Variants in MPZL1 observed in about 807,000 individuals in gnomAD.
The protein encoded by MPZL1 is myelin protein zero-like protein 1.
A neutral mutation model predicts 29.3 loss-of-function variants in MPZL1; 16 were observed. That is an observed-to-expected ratio of 0.55 (90% CI 0.37 to 0.83). The LOEUF is 0.83. Ranked by LOEUF, MPZL1 falls within the 40% of genes least tolerant of loss-of-function variation. The pLI is 0.00. For missense variants in MPZL1, 279 were observed against 332.9 expected (o/e 0.84, Z 1.26); for synonymous variants, 143 against 132.0 (o/e 1.08, Z -0.57).
At chr1:167,741,169 A>G (rs978010871) in intron 1 of MPZL1, among the ~76,000 whole-genome samples, 1 of 147,480 alleles carries the variant, frequency 6.8e-6, no homozygotes, top group East Asian at 2.0e-4. Flanking sequence ...GGCATGTGCC[A>G]CCACGCCTGG....
At chr1:167,780,444 C>G (rs1661473296) in intron 5 of MPZL1, among the ~76,000 whole-genome samples, 1 of 152,102 alleles carries the variant, frequency 6.6e-6, no homozygotes, top group Admixed American at 6.5e-5. Flanking sequence ...TTTGTACATC[C>G]ATGTTCATAG....
intron 1 of MPZL1, among the ~76,000 whole-genome samples, chr1:167,739,280 TAC>T (rs199945886): frequency 0.067 from 6,132 of 91,660 alleles, 581 homozygotes; most frequent in African/African-American, 0.22. Context: ...TATACATATA[TAC>T]ATATATATAT....
intron 1 of MPZL1, among the ~76,000 whole-genome samples, chr1:167,744,992 G>A (rs917103295): frequency 1.3e-5 from 2 of 152,142 alleles, no homozygotes; most frequent in African/African-American, 4.8e-5. Flanking sequence ...AGGACGGTAC[G>A]AAAAGGGTTT....
chr1:167,731,281 A>G (rs1039958359), intron 1 of MPZL1, among the ~76,000 whole-genome samples: 1 of 151,044 alleles, frequency 6.6e-6, no homozygotes, highest in Non-Finnish European at 1.5e-5. Flanking sequence ...CTAATAATGG[A>G]AAAAATTAGT....
At chr1:167,777,943 T>A (rs1023142654) in intron 5 of MPZL1, among the ~76,000 whole-genome samples, 2 of 152,214 alleles carry the variant, frequency 1.3e-5, no homozygotes, top group African/African-American at 4.8e-5. Flanking sequence ...TAGTTGCATT[T>A]TACAACAAAA....
rs561252968 is a variant in MPZL1 at position 167,723,630 on chromosome 1, A to G, written c.91+1388A>G. Among the ~76,000 whole-genome samples, 11 of 152,358 alleles carry G rather than the reference A, an allele frequency of 7.2e-5. No homozygotes were observed. In the South Asian group the frequency reaches 1.9e-3, roughly 26 times the overall value. On this transcript the variant is annotated intron_variant, in intron 1 of 5. Transcript: ENST00000359523. ...GGTCAGACATTGCTATGGAGGACAA[A>G]GCAGTTAGGGTGATCTTAATTAAAA...
intron 1 of MPZL1, among the ~76,000 whole-genome samples, chr1:167,739,288 T>TACATATATATATATATATATAC (rs1553254294): frequency 3.7e-5 from 4 of 108,334 alleles, no homozygotes; most frequent in Non-Finnish European, 6.9e-5. Flanking sequence ...TATACATATA[T>TACATATATATATATATATATAC]ATATATATAT....
intron 1 of MPZL1, among the ~76,000 whole-genome samples, chr1:167,739,292 T>TATATATACATAC (rs1558110614): frequency 1.8e-5 from 2 of 109,788 alleles, no homozygotes; most frequent in African/African-American, 1.2e-4. Flanking sequence ...CATATATATA[T>TATATATACATAC]ATATATATAT....
At chr1:167,755,905 G>A (rs1660860418) in intron 1 of MPZL1, among the ~76,000 whole-genome samples, 1 of 152,022 alleles carries the variant, frequency 6.6e-6, no homozygotes, top group Non-Finnish European at 1.5e-5. Context: ...ATTTGCAGGA[G>A]AGAGAGAGAG....
chr1:167,734,375 T>G (rs1313781798), intron 1 of MPZL1, among the ~76,000 whole-genome samples: 1 of 152,178 alleles, frequency 6.6e-6, no homozygotes, highest in Non-Finnish European at 1.5e-5. Flanking sequence ...AGGGCCACAT[T>G]TTGGTCCATG....
In MPZL1 at chr1:167,749,811, A is replaced by G. The variant is rs16859529; in HGVS notation, c.92-15772A>G. 5.4e-3 allele frequency among the ~76,000 whole-genome samples: 822 copies of G among 152,360 alleles called. 6 individuals carry two copies. The highest frequency in any genetic ancestry group is 0.019 in the African/African-American group (788 of 41,572). ...GAGTTTTCAAGCCTATAGTAGAACAATTAATTAGAGGTGAAATAGAGGCTA... is the reference window on the plus strand; with the variant it reads ...GAGTTTTCAAGCCTATAGTAGAACAGTTAATTAGAGGTGAAATAGAGGCTA... On this transcript the variant is annotated intron_variant, in intron 1 of 5. Coordinates refer to ENST00000359523, the MANE Select transcript of MPZL1 (RefSeq NM_003953.6).
At chr1:167,786,191 C>T (rs1661589927) in intron 5 of MPZL1, among the ~76,000 whole-genome samples, 1 of 152,134 alleles carries the variant, frequency 6.6e-6, no homozygotes, top group African/African-American at 2.4e-5. Context: ...GATTATTAAC[C>T]ATGTGATCTG....
chr1:167,756,038 A>G (rs930123527), intron 1 of MPZL1, among the ~76,000 whole-genome samples: 2 of 152,218 alleles, frequency 1.3e-5, no homozygotes, highest in African/African-American at 4.8e-5. Context: ...AAACAGAAAG[A>G]TCTTTGTTGG....
chr1:167,764,480 T>C (rs1408652533), intron 1 of MPZL1, among the ~76,000 whole-genome samples: 2 of 152,236 alleles, frequency 1.3e-5, no homozygotes, highest in South Asian at 2.1e-4. Flanking sequence ...TGAAATCTTA[T>C]GGTAGGTATG....
intron 1 of MPZL1, among the ~76,000 whole-genome samples, chr1:167,746,506 A>G (rs1660649782): frequency 6.6e-6 from 1 of 152,234 alleles, no homozygotes; most frequent in African/African-American, 2.4e-5. Context: ...CATATGTCGA[A>G]TAAGATCTCT....
chr1:167,760,777 G>GTC (rs1660969970), intron 1 of MPZL1, among the ~76,000 whole-genome samples: 1 of 140,836 alleles, frequency 7.1e-6, no homozygotes, highest in Admixed American at 7.5e-5. Flanking sequence ...GTGTGTGTGT[G>GTC]TGTGTGTGTG....
At chr1:167,731,673 C>T (rs1040982548) in intron 1 of MPZL1, among the ~76,000 whole-genome samples, 3 of 151,722 alleles carry the variant, frequency 2.0e-5, no homozygotes, top group African/African-American at 4.8e-5. Context: ...TTCCTGACCT[C>T]GTGATTCCCT....
chr1:167,768,517 C>T (rs544685679), intron 2 of MPZL1, among the ~76,000 whole-genome samples: 30 of 152,132 alleles, frequency 2.0e-4, no homozygotes, highest in African/African-American at 7.2e-4. Context: ...GAGGACTTGC[C>T]TGTCTTACAT....
chr1:167,748,543 A>ATC (rs925787985), intron 1 of MPZL1, among the ~76,000 whole-genome samples: 2 of 152,052 alleles, frequency 1.3e-5, no homozygotes, highest in Non-Finnish European at 2.9e-5. Flanking sequence ...CTCATATATG[A>ATC]TTTGCAAATA....
Sources: gnomAD v4.1 joint callset for allele counts (sites outside exome capture counted in the v4.1 genomes callset) on GRCh38, gnomAD v4.1.1 for gene constraint, MANE v1.5 for transcripts, NCBI Gene and HGNC (gene_info 2026-07-23, HGNC 2026-07-21) for gene names.